The following SEMA5A variants were observed in gnomAD, a reference collection of about 807,000 sequenced individuals.
The protein encoded by SEMA5A is semaphorin 5A, also known as semaphorin-5A.
SEMA5A carries 55 observed loss-of-function variants against 135.5 expected under a neutral mutation model. The observed-to-expected ratio is 0.41, with a 90% CI of 0.33 to 0.51. SEMA5A has a LOEUF of 0.51. Among genes scored for constraint, SEMA5A ranks in the 20% least tolerant of loss-of-function variants. The probability of loss-of-function intolerance (pLI) is 0.37; values close to 1 mark genes in which losing one functional copy is unlikely to be tolerated. For synonymous variants in SEMA5A, 580 were observed against 546.5 expected (o/e 1.06, Z -0.85); for missense variants, 1,290 against 1,419.9 (o/e 0.91, Z 1.47).
intron 2 of SEMA5A, among the ~76,000 whole-genome samples, chr5:9,412,528 G>T (rs1267669384): frequency 1.3e-3 from 108 of 82,556 alleles, no homozygotes; most frequent in Admixed American, 2.7e-3. Context: ...AGTCCCCCTT[G>T]TTATTACAGG....
rs778296895 is a variant in SEMA5A at position 9,190,466 on chromosome 5, G to T, written c.1074C>A (p.Gly358=). The T allele has an allele frequency of 6.2e-7, 1 of 1,613,150 alleles. No individual in the cohort carries two copies. The highest frequency in any genetic ancestry group is 1.8e-4 in the Middle Eastern group (1 of 5,662). ...YPNPNPHFQC[G]TVDQGLYVNL... ...TCACGTACAGGCCCTGGTCCACGGT[G>T]CCACACTGAAAGGGAAGACGGGCCA... The change falls in exon 11 of 23, where the codon GGC becomes GGA. Residue 358 remains glycine, a synonymous_variant. Coordinates refer to ENST00000382496, the MANE Select transcript of SEMA5A (RefSeq NM_003966.3).
chr5:9,096,938 A>T (rs771972454), intron 16 of SEMA5A, among the ~76,000 whole-genome samples: 14 of 152,224 alleles, frequency 9.2e-5, no homozygotes, highest in Non-Finnish European at 1.5e-4. Flanking sequence ...TGATGAAAAA[A>T]CAGTAGACTT....
intron 1 of SEMA5A, among the ~76,000 whole-genome samples, chr5:9,438,647 C>T (rs1325400195): frequency 6.6e-6 from 1 of 152,162 alleles, no homozygotes. Context: ...AGGGCTCATG[C>T]TTTTTTCTGT....
intron 6 of SEMA5A, among the ~76,000 whole-genome samples, chr5:9,237,345 C>G (rs996342523): frequency 3.3e-5 from 5 of 152,138 alleles, no homozygotes; most frequent in Admixed American, 2.0e-4. Context: ...ATAAACTGCA[C>G]ATTCTATAGG....
chr5:9,223,465 A>C (rs1158629722), intron 8 of SEMA5A, among the ~76,000 whole-genome samples: 1 of 152,172 alleles, frequency 6.6e-6, no homozygotes, highest in Non-Finnish European at 1.5e-5. Context: ...TTTTGTTGTT[A>C]CAACTGGGCA....
intron 11 of SEMA5A, among the ~76,000 whole-genome samples, chr5:9,165,103 T>G (rs1743531819): frequency 1.3e-5 from 2 of 152,194 alleles, no homozygotes; most frequent in African/African-American, 4.8e-5. Flanking sequence ...GCTTAAATGC[T>G]GAGACACCTG....
At position 9,538,440 on chromosome 5, in the gene SEMA5A, A is replaced by G. The variant is rs548069016; in HGVS notation, c.-175+7144T>C. On this transcript the variant is annotated intron_variant, in intron 1 of 22. Transcript: ENST00000382496. ...GTACAAGGACACAGAAGCAGGCATCATGAACTTCTCCCCCATCAAAGGACA... is the reference window on the plus strand; with the variant it reads ...GTACAAGGACACAGAAGCAGGCATCGTGAACTTCTCCCCCATCAAAGGACA... Among the ~76,000 whole-genome samples, 22 of 152,316 alleles carry G rather than the reference A, an allele frequency of 1.4e-4. 1 individual carries two copies. The South Asian group carries it at 4.6e-3, about 32-fold the overall frequency.
chr5:9,524,880 C>A (rs978464703), intron 1 of SEMA5A, among the ~76,000 whole-genome samples: 2 of 152,184 alleles, frequency 1.3e-5, no homozygotes, highest in Non-Finnish European at 2.9e-5. Context: ...ATATACTAAC[C>A]ATATATCTAT....
chr5:9,291,221 C>T (rs995957069), intron 5 of SEMA5A, among the ~76,000 whole-genome samples: 2 of 152,102 alleles, frequency 1.3e-5, no homozygotes, highest in African/African-American at 4.8e-5. Context: ...GTCACAAAAC[C>T]CAGAGTTTAA....
chr5:9,226,427 A>AT (rs5865816), intron 7 of SEMA5A, among the ~76,000 whole-genome samples: 27,731 of 151,198 alleles, frequency 0.18, 2,825 homozygotes, highest in East Asian at 0.33. Context: ...TAGTTTGCTT[A>AT]TTTTTTTTTA....
rs149839156 is a variant in SEMA5A, at chr5:9,155,038, C to T, written c.1274-343G>A. Among the ~76,000 whole-genome samples, 539 of 152,254 alleles carry T rather than the reference C, an allele frequency of 3.5e-3. 2 individuals carry two copies. Among genetic ancestry groups the T allele is most frequent in the African/African-American group, 0.013 (520 of 41,550 alleles). ...CATGGAAAACATCAGGAAAGAAAGACCCTCAAGGGACGATCTTGGATTCTT... is the reference window on the plus strand; with the variant it reads ...CATGGAAAACATCAGGAAAGAAAGATCCTCAAGGGACGATCTTGGATTCTT... On this transcript the variant is annotated intron_variant, in intron 11 of 22. Coordinates refer to ENST00000382496, the MANE Select transcript of SEMA5A (RefSeq NM_003966.3).
chr5:9,210,206 G>A (rs958897512), intron 8 of SEMA5A, among the ~76,000 whole-genome samples: 2 of 152,130 alleles, frequency 1.3e-5, no homozygotes, highest in Non-Finnish European at 2.9e-5. Flanking sequence ...AAAATCTAAA[G>A]GTAGTAAAAG....
chr5:9,336,746 A>G (rs1753407768), intron 4 of SEMA5A, among the ~76,000 whole-genome samples: 1 of 152,198 alleles, frequency 6.6e-6, no homozygotes, highest in South Asian at 2.1e-4. Flanking sequence ...AAACTGTTCA[A>G]TGTTTATCTA....
intron 3 of SEMA5A, among the ~76,000 whole-genome samples, chr5:9,339,189 A>C (rs1436495158): frequency 1.3e-5 from 2 of 152,218 alleles, no homozygotes; most frequent in Non-Finnish European, 2.9e-5. Context: ...TCAGTTAAAG[A>C]AACAGCACTA....
rs61191313 is a variant in SEMA5A, at chr5:9,486,689, T to A, written c.-174-48837A>T. 5.4e-3 allele frequency among the ~76,000 whole-genome samples: 818 copies of A among 151,460 alleles called. 7 individuals carry two copies. Among genetic ancestry groups the A allele is most frequent in the African/African-American group, 0.019 (784 of 41,308 alleles). On this transcript the variant is annotated intron_variant, in intron 1 of 22. Coordinates refer to ENST00000382496, the MANE Select transcript of SEMA5A (RefSeq NM_003966.3). ...AGAAATAGAAATGCATGGAAAAAAA[T>A]GGACTCCTCAGACTATAATAAGACA...
At chr5:9,384,661 T>TACATAGATAGATAGATAGATAGATAG (rs1214516553) in intron 2 of SEMA5A, among the ~76,000 whole-genome samples, 19 of 66,514 alleles carry the variant, frequency 2.9e-4, no homozygotes, top group Non-Finnish European at 4.4e-4. Context: ...GATAGATAGA[T>TACATAGATAGATAGATAGATAGATAG]ATAGATAGAT....
intron 18 of SEMA5A, 103 bp from the exon 19 acceptor site, chr5:9,054,360 C>A (rs1561106754): frequency 1.4e-6 from 2 of 1,425,006 alleles, no homozygotes; most frequent in Non-Finnish European, 1.9e-6. Context: ...GTAAGGGAAA[C>A]AAAATGGAAT....
chr5:9,486,695 C>G (rs1325754519), intron 1 of SEMA5A, among the ~76,000 whole-genome samples: 1 of 151,974 alleles, frequency 6.6e-6, no homozygotes, highest in Admixed American at 6.6e-5. Flanking sequence ...AAAATGGACT[C>G]CTCAGACTAT....
intron 5 of SEMA5A, among the ~76,000 whole-genome samples, chr5:9,259,103 T>C (rs562444917): frequency 6.6e-6 from 1 of 152,330 alleles, no homozygotes; most frequent in South Asian, 2.1e-4. Flanking sequence ...ATTACAGGCA[T>C]GAGCCACCAG....
Sources: gnomAD v4.1 joint callset for allele counts (sites outside exome capture counted in the v4.1 genomes callset) on GRCh38, gnomAD v4.1.1 for gene constraint, MANE v1.5 for transcripts, NCBI Gene and HGNC (gene_info 2026-07-23, HGNC 2026-07-21) for gene names.